Variants in DNAJC1 observed in about 807,000 individuals in gnomAD.
The protein encoded by DNAJC1 is DnaJ heat shock protein family (Hsp40) member C1, also known as dnaJ homolog subfamily C member 1.
DNAJC1 carries 58 observed loss-of-function variants against 76.6 expected under a neutral mutation model. The observed-to-expected ratio is 0.76, with a 90% CI of 0.61 to 0.94. DNAJC1 has a LOEUF of 0.94. DNAJC1 is among the 40% of genes least tolerant of loss of function. DNAJC1 has a pLI of 0.00. For synonymous variants in DNAJC1, 258 were observed against 267.9 expected (o/e 0.96, Z 0.36); for missense variants, 689 against 677.3 (o/e 1.02, Z -0.19).
chr10:21,865,986 T>C (rs1345206065), intron 8 of DNAJC1: 1 of 151,602 alleles, frequency 6.6e-6, no homozygotes, highest in African/African-American at 2.4e-5. Context: ...AATACAAAAA[T>C]TAGCTGGGTG....
intron 8 of DNAJC1, among the ~76,000 whole-genome samples, chr10:21,820,910 A>C (rs928491143): frequency 6.6e-6 from 1 of 152,112 alleles, no homozygotes; most frequent in Non-Finnish European, 1.5e-5. Flanking sequence ...TGGGCACGCC[A>C]CCCTCCAGGA....
chr10:21,838,468 C>T (rs955347960), intron 8 of DNAJC1, among the ~76,000 whole-genome samples: 5 of 152,078 alleles, frequency 3.3e-5, no homozygotes, highest in Admixed American at 2.0e-4. Flanking sequence ...CTCAAGTACC[C>T]AGGGACACAA....
At chr10:21,833,290 T>C (rs1835391575) in intron 8 of DNAJC1, among the ~76,000 whole-genome samples, 1 of 151,916 alleles carries the variant, frequency 6.6e-6, no homozygotes. Flanking sequence ...GCCAACACAG[T>C]GAAACCCCAT....
At chr10:21,758,680 C>T (rs141321728) in intron 11 of DNAJC1, among the ~76,000 whole-genome samples, 4 of 152,224 alleles carry the variant, frequency 2.6e-5, no homozygotes, top group African/African-American at 7.2e-5. Flanking sequence ...ATGGCAGAAT[C>T]GAAGATGATC....
chr10:21,778,824 G>C (rs772226703), intron 9 of DNAJC1, among the ~76,000 whole-genome samples: 1 of 152,206 alleles, frequency 6.6e-6, no homozygotes, highest in Non-Finnish European at 1.5e-5. Flanking sequence ...AGTGCAAAGG[G>C]TCAGGGAATT....
At chr10:21,951,299 G>A (rs1266812179) in intron 1 of DNAJC1, among the ~76,000 whole-genome samples, 1 of 151,096 alleles carries the variant, frequency 6.6e-6, no homozygotes, top group Non-Finnish European at 1.5e-5. Context: ...CAGCCTGGGT[G>A]ACAGAGCGAG....
At chr10:21,903,933 T>C (rs1836701258) in intron 7 of DNAJC1, among the ~76,000 whole-genome samples, 1 of 152,180 alleles carries the variant, frequency 6.6e-6, no homozygotes, top group Non-Finnish European at 1.5e-5. Flanking sequence ...GGAGCCAAGA[T>C]GTAGATAAGG....
chr10:21,891,957 T>TA (rs1836469612), intron 7 of DNAJC1, among the ~76,000 whole-genome samples: 1 of 152,132 alleles, frequency 6.6e-6, no homozygotes, highest in Admixed American at 6.6e-5. Flanking sequence ...GTCTGACCAC[T>TA]AAATCAAAAT....
At position 21,919,935 on chromosome 10, in the gene DNAJC1, T is replaced by C. The variant is rs774785308; in HGVS notation, c.538-6A>G. ...TTTCTACTTAGTAGTTCATCCTTAA[T>C]GTGGAAAGAATTATGGTTACAGGTT... On this transcript the variant is annotated splice_region_variant and splice_polypyrimidine_tract_variant and intron_variant, in intron 4 of 11. Transcript: ENST00000376980. 3.8e-6 allele frequency: 6 copies of C among 1,560,242 alleles called. No individual in the cohort carries two copies. Among genetic ancestry groups the C allele is most frequent in the South Asian group, 1.1e-5 (1 of 86,996 alleles).
chr10:21,812,260 T>C (rs1015108041), intron 8 of DNAJC1, among the ~76,000 whole-genome samples: 4 of 152,040 alleles, frequency 2.6e-5, no homozygotes, highest in African/African-American at 9.7e-5. Flanking sequence ...GGTTTCACCA[T>C]GTTGACCAGG....
At chr10:21,966,674 C>G (rs1014129723) in intron 1 of DNAJC1, among the ~76,000 whole-genome samples, 31 of 138,180 alleles carry the variant, frequency 2.2e-4, no homozygotes, top group African/African-American at 8.7e-4. Flanking sequence ...TTGCCCACCT[C>G]TTTCTTCTTC....
intron 8 of DNAJC1, among the ~76,000 whole-genome samples, chr10:21,874,802 C>A (rs1303635217): frequency 6.6e-6 from 1 of 152,090 alleles, no homozygotes; most frequent in African/African-American, 2.4e-5. Flanking sequence ...AAGTACATTT[C>A]AACAAAAATG....
chr10:21,870,219 A>G (rs1453455784), intron 8 of DNAJC1, among the ~76,000 whole-genome samples: 1 of 152,122 alleles, frequency 6.6e-6, no homozygotes, highest in Non-Finnish European at 1.5e-5. Flanking sequence ...TAATAGATGC[A>G]AAAATAAATA....
chr10:21,827,856 C>T (rs982434444), intron 8 of DNAJC1, among the ~76,000 whole-genome samples: 8 of 152,140 alleles, frequency 5.3e-5, no homozygotes, highest in African/African-American at 1.2e-4. Flanking sequence ...TCCTTTTGGA[C>T]TCTTAGGTTG....
intron 9 of DNAJC1, among the ~76,000 whole-genome samples, chr10:21,803,002 C>G (rs542239265): frequency 4.6e-5 from 7 of 152,136 alleles, no homozygotes; most frequent in African/African-American, 1.7e-4. Flanking sequence ...TTAAAATATA[C>G]TCGGTGTCAA....
rs372950339 is a variant in DNAJC1, at chr10:21,844,249, C to T, written c.978+38033G>A. Among the ~76,000 whole-genome samples the T allele has an allele frequency of 9.2e-5, 14 of 151,456 alleles. No individual in the cohort carries two copies. The East Asian group carries it at 9.7e-4, about 10-fold the overall frequency. On this transcript the variant is annotated intron_variant, in intron 8 of 11. Coordinates refer to ENST00000376980, the MANE Select transcript of DNAJC1 (RefSeq NM_022365.4). ...CCGAGTAGCTGGGATTACAGCTGTG[C>T]GCCACCACACCTGGCTAATTTTTTT...
intron 1 of DNAJC1, among the ~76,000 whole-genome samples, chr10:21,985,249 T>C (rs1453054065): frequency 7.9e-6 from 1 of 126,806 alleles, no homozygotes; most frequent in Non-Finnish European, 1.6e-5. Context: ...ACTACCCTGC[T>C]TTTTTTTTTT....
rs555603923 is a variant in DNAJC1, at chr10:22,003,698, T to C, written c.-264A>G. The C allele has an allele frequency of 8.6e-6, 3 of 346,872 alleles. No homozygotes were observed. Among genetic ancestry groups the C allele is most frequent in the African/African-American group, 2.1e-5 (1 of 46,672 alleles). The allele number at this position is 346,872 out of a possible 1,614,324, so 21.5% of individuals were successfully genotyped here. A position where few individuals can be genotyped will look rare whatever the true frequency, so the allele number is the denominator to read the frequency against. On this transcript the variant is annotated 5_prime_UTR_variant, in exon 1 of 12. Coordinates refer to ENST00000376980, the MANE Select transcript of DNAJC1 (RefSeq NM_022365.4). ...TCGCCCCCAGGCCTACACACAGCTG[T>C]AGAGGCAGCGCCCGGCGCCTGGGCT...
intron 9 of DNAJC1, among the ~76,000 whole-genome samples, chr10:21,782,071 C>CA (rs1231120753): frequency 2.6e-5 from 4 of 151,996 alleles, no homozygotes; most frequent in African/African-American, 9.7e-5. Context: ...GATAGAGACA[C>CA]AAAAAATCCT....
Sources: allele counts gnomAD v4.1 joint callset (sites outside exome capture counted in the v4.1 genomes callset), GRCh38; gene constraint gnomAD v4.1.1; transcripts MANE v1.5; gene names NCBI Gene and HGNC (gene_info 2026-07-23, HGNC 2026-07-21).